Variants in NOP9 observed in about 807,000 individuals in gnomAD.
NOP9 encodes the protein NOP9 nucleolar protein, also known as nucleolar protein 9.
NOP9 carries 50 observed loss-of-function variants against 63.0 expected under a neutral mutation model. That is an observed-to-expected ratio of 0.79 (90% CI 0.63 to 1.00). The LOEUF is 1.00. NOP9 is among the 50% of genes least tolerant of loss of function. The pLI, the probability that NOP9 is intolerant of heterozygous loss-of-function variation, is 0.00. For synonymous variants in NOP9, 343 were observed against 332.8 expected (o/e 1.03, Z -0.33); for missense variants, 758 against 803.0 (o/e 0.94, Z 0.68).
At chr14:24,292,072 C>A in the NOP9 span, 30 of 1,347,982 alleles carry the variant, frequency 2.2e-5, no homozygotes, top group Admixed American at 3.0e-4. Flanking sequence ...CCATGCTCAG[C>A]CCTGCACCTG....
rs1488560945 is a variant in NOP9 at position 24,299,874 on chromosome 14, G to C, written c.-81G>C. ...CGCCCGCGTTTCTAAACTTTGTCTG[G>C]ATAAGGCGCACGCTTGGCGACGTCG... On this transcript the variant is annotated 5_prime_UTR_variant, in exon 1 of 10. Coordinates refer to ENST00000267425, the MANE Select transcript of NOP9 (RefSeq NM_174913.3). 6.8e-7 allele frequency: 1 copy of C among 1,469,926 alleles called. No individual in the cohort carries two copies. The allele number at this position is 1,469,926 out of a possible 1,614,324, so 91.1% of individuals were successfully genotyped here.
At chr14:24,284,822 C>T in the NOP9 span, among the ~76,000 whole-genome samples, 3 of 152,108 alleles carry the variant, frequency 2.0e-5, no homozygotes, top group South Asian at 6.2e-4. Flanking sequence ...CAGCCGCCTG[C>T]CTGGGTTTGT....
the NOP9 span, among the ~76,000 whole-genome samples, chr14:24,285,984 A>C: frequency 7.7e-4 from 1 of 1,292 alleles, no homozygotes; most frequent in Non-Finnish European, 2.6e-3. Context: ...ATAAACTGTC[A>C]AAAAAAAAAA....
In NOP9 at chr14:24,307,489, A is replaced by G; in HGVS notation, c.*2394A>G. The stretch of plus-strand genomic sequence containing the variant: ...AGCTGAGGTCCAGACCCTCCGTCCA[A>G]ACTCCGAGCTTATATTAGATACTGA... On this transcript the variant is annotated 3_prime_UTR_variant, in exon 10 of 10. Transcript: ENST00000267425. 1.2e-6 allele frequency: 2 copies of G among 1,614,018 alleles called. No individual in the cohort carries two copies.
In NOP9 at chr14:24,309,054, ACTGT is replaced by A. The variant is rs2041608772; in HGVS notation, c.*3964_*3967del. The A allele has an allele frequency of 6.6e-6, 1 of 152,182 alleles. No individual in the cohort carries two copies. The allele number at this position is 152,182 out of a possible 1,614,324, so 9.4% of individuals were successfully genotyped here. A position where few individuals can be genotyped will look rare whatever the true frequency, so the allele number is the denominator to read the frequency against. On this transcript the variant is annotated 3_prime_UTR_variant, in exon 10 of 10. Transcript: ENST00000267425. ...TACCCAGGTAGAACAACTCTCTCTC[ACTGT>A]CTGTTGTGAGGATACGCTGTAGCCC...
In NOP9 at chr14:24,300,195, G is replaced by A. The variant is rs1178025425; in HGVS notation, c.241G>A (p.Glu81Lys). The A allele has an allele frequency of 6.8e-6, 11 of 1,613,660 alleles. 1 individual carries two copies. Among genetic ancestry groups the A allele is most frequent in the Non-Finnish European group, 9.3e-6 (11 of 1,179,754 alleles). Residue 81 changes from glutamate (E) to lysine (K), a missense_variant, in exon 1 of 10, where the codon GAA becomes AAA. Transcript: ENST00000267425. Reference sequence around the variant, plus strand: ...GAAAGAGGCTCCCGAGACTGGGGAAGAACGAGGTAGGCAGCAACTTCGGGG... The same window carrying A: ...GAAAGAGGCTCCCGAGACTGGGGAAAAACGAGGTAGGCAGCAACTTCGGGG... Reference protein sequence around the residue: ...ALKEAPETGEERDLMVHNIMK... With the variant: ...ALKEAPETGEKRDLMVHNIMK...
intron 6 of NOP9, 149 bp downstream of exon 6, chr14:24,303,363 G>T (rs1255014379): frequency 1.0e-6 from 1 of 961,276 alleles, no homozygotes; most frequent in Admixed American, 2.6e-5. Flanking sequence ...AGGCCTATAG[G>T]TGCCCGCCAC....
chr14:24,291,501 C>A, the NOP9 span: 1 of 1,562,964 alleles, frequency 6.4e-7, no homozygotes, highest in Middle Eastern at 1.7e-4. Context: ...CTGGATGCTA[C>A]CGCACTACAC....
rs774284635 is a variant in NOP9 at position 24,307,830 on chromosome 14, C to T, written c.*2735C>T. The stretch of plus-strand genomic sequence containing the variant: ...GGTTAGCAGTCACCTGAGTAAGTCA[C>T]TGGGGTTCAGAGCTGAGAGGTACTC... On this transcript the variant is annotated 3_prime_UTR_variant, in exon 10 of 10. Transcript: ENST00000267425. 3.1e-6 allele frequency: 5 copies of T among 1,595,834 alleles called. No individual in the cohort carries two copies. The highest frequency in any genetic ancestry group is 8.5e-7 in the Non-Finnish European group (1 of 1,170,934).
chr14:24,275,393 A>C, the NOP9 span, among the ~76,000 whole-genome samples: 1 of 152,218 alleles, frequency 6.6e-6, no homozygotes, highest in East Asian at 1.9e-4. Context: ...GTGGGTTTGC[A>C]GAGGTTAGTT....
At chr14:24,303,623 A>G in intron 6 of NOP9, 109 bp from the exon 7 acceptor site, 1 of 1,119,908 alleles carries the variant, frequency 8.9e-7, no homozygotes, top group South Asian at 1.3e-5. Context: ...CATGGAGCTA[A>G]CATTCTTGTG....
At chr14:24,293,943 T>C in the NOP9 span, 1 of 152,178 alleles carries the variant, frequency 6.6e-6, no homozygotes, top group African/African-American at 2.4e-5. Flanking sequence ...TAGATACAAG[T>C]GTATGTGAGA....
At chr14:24,288,020 T>G in the NOP9 span, among the ~76,000 whole-genome samples, 1 of 152,196 alleles carries the variant, frequency 6.6e-6, no homozygotes, top group Non-Finnish European at 1.5e-5. Flanking sequence ...TTCCCTTGGG[T>G]GGTGTACTCT....
chr14:24,289,789 TA>T, the NOP9 span, among the ~76,000 whole-genome samples: 1 of 152,194 alleles, frequency 6.6e-6, no homozygotes, highest in Non-Finnish European at 1.5e-5. Flanking sequence ...AATGAGGACT[TA>T]GAAGAGATGT....
rs1452804222 is a variant in NOP9, at chr14:24,309,049, C to T, written c.*3954C>T. 1.3e-5 allele frequency: 2 copies of T among 152,298 alleles called. No individual in the cohort carries two copies. Among genetic ancestry groups the T allele is most frequent in the East Asian group, 1.9e-4 (1 of 5,204 alleles). The allele number at this position is 152,298 out of a possible 1,614,324, so 9.4% of individuals were successfully genotyped here. ...GGATATACCCAGGTAGAACAACTCTCTCTCACTGTCTGTTGTGAGGATACG... is the reference window on the plus strand; with the variant it reads ...GGATATACCCAGGTAGAACAACTCTTTCTCACTGTCTGTTGTGAGGATACG... On this transcript the variant is annotated 3_prime_UTR_variant, in exon 10 of 10. Coordinates refer to ENST00000267425, the MANE Select transcript of NOP9 (RefSeq NM_174913.3).
chr14:24,301,939 G>T (rs199729858), intron 3 of NOP9, 26 bp from the exon 4 acceptor site: 1 of 1,594,630 alleles, frequency 6.3e-7, no homozygotes, highest in Middle Eastern at 1.7e-4. Context: ...TGGGAAAGCC[G>T]CTTTATTTCT....
At chr14:24,290,614 A>C in the NOP9 span, 1 of 464,644 alleles carries the variant, frequency 2.2e-6, no homozygotes, top group Non-Finnish European at 3.9e-6. Flanking sequence ...GAGAAATGAG[A>C]CTTTTATTAG....
the NOP9 span, among the ~76,000 whole-genome samples, chr14:24,277,855 G>T: frequency 6.6e-6 from 1 of 152,104 alleles, no homozygotes; most frequent in Non-Finnish European, 1.5e-5. Flanking sequence ...GCAAGGGGAG[G>T]CAACTCAGGC....
At chr14:24,276,760 A>G in the NOP9 span, among the ~76,000 whole-genome samples, 7 of 152,254 alleles carry the variant, frequency 4.6e-5, no homozygotes, top group South Asian at 1.4e-3. Flanking sequence ...TGGTGATTGT[A>G]ACGGTTTACA....
Sources: allele counts gnomAD v4.1 joint callset (sites outside exome capture counted in the v4.1 genomes callset), GRCh38; gene constraint gnomAD v4.1.1; transcripts MANE v1.5; gene names NCBI Gene and HGNC (gene_info 2026-07-23, HGNC 2026-07-21).